Variants in SIRT2 observed in about 807,000 individuals in gnomAD.
SIRT2 encodes NAD-dependent protein deacetylase sirtuin-2.
A neutral mutation model predicts 57.4 loss-of-function variants in SIRT2; 40 were observed. The observed-to-expected ratio is 0.70, with a 90% CI of 0.54 to 0.91. The LOEUF (loss-of-function observed/expected upper bound fraction) is 0.91. SIRT2 is among the 40% of genes least tolerant of loss of function. The pLI, the probability that SIRT2 is intolerant of heterozygous loss-of-function variation, is 0.00. For synonymous variants in SIRT2, 161 were observed against 195.7 expected, an observed-to-expected ratio of 0.82 and a Z score of 1.48; for missense variants, 439 against 510.4, an observed-to-expected ratio of 0.86 and a Z score of 1.35.
Position 38,880,112 on chromosome 19 carries a change from A to T in SIRT2, c.877-410T>A. 1 of 195,516 alleles carries T rather than the reference A, an allele frequency of 5.1e-6. No homozygotes were observed. The highest frequency in any genetic ancestry group is 1.1e-5 in the Non-Finnish European group (1 of 94,040). 12.1% of individuals were successfully genotyped at this position (195,516 alleles called of 1,614,324 possible). On this transcript the variant is annotated intron_variant, in intron 13 of 15. Coordinates refer to ENST00000249396, the MANE Select transcript of SIRT2 (RefSeq NM_012237.4). The surrounding 1 kb of genome is among the most constrained non-coding windows in gnomAD (Gnocchi z 4.1). ...AGTGCTGGAATTACAGGCGTGAGCC[A>T]TTGCGCCCAGCCAGCTCAGTGACTT...
At chr19:38,892,295 C>A (rs542468935) in intron 4 of SIRT2, among the ~76,000 whole-genome samples, 1 of 151,562 alleles carries the variant, frequency 6.6e-6, no homozygotes, top group Non-Finnish European at 1.5e-5. Flanking sequence ...ACTCGGGAGG[C>A]TGAGGCAGGA....
chr19:38,898,737 G>T, intron 1 of SIRT2: 1 of 295,012 alleles, frequency 3.4e-6, no homozygotes, highest in Non-Finnish European at 6.3e-6. Flanking sequence ...CAACCACCTT[G>T]GCCTCCCAAA....
intron 8 of SIRT2, among the ~76,000 whole-genome samples, chr19:38,888,672 A>T (rs1406242409): frequency 6.6e-6 from 1 of 152,240 alleles, no homozygotes; most frequent in African/African-American, 2.4e-5. Flanking sequence ...CTTGTTGGAC[A>T]CGTGTCATAG....
At chr19:38,890,046 C>T in intron 5 of SIRT2, 57 bp downstream of exon 5, 1 of 1,612,998 alleles carries the variant, frequency 6.2e-7, no homozygotes, top group Non-Finnish European at 8.5e-7. Context: ...CTCCCCAGCC[C>T]TTGGGAGGGA....
chr19:38,897,478 A>G (rs933680324), intron 2 of SIRT2, among the ~76,000 whole-genome samples: 1 of 151,878 alleles, frequency 6.6e-6, no homozygotes, highest in Non-Finnish European at 1.5e-5. Flanking sequence ...TTGACCCAGA[A>G]AATTTTCTCT....
At chr19:38,881,387 C>T (rs1452363313) in intron 10 of SIRT2, 45 bp downstream of exon 10, 3 of 1,589,058 alleles carry the variant, frequency 1.9e-6, no homozygotes, top group African/African-American at 2.7e-5. Flanking sequence ...GAGGAGGGGA[C>T]CCCCACCCAA....
intron 8 of SIRT2, among the ~76,000 whole-genome samples, chr19:38,886,120 A>G (rs570999872): frequency 2.0e-5 from 3 of 152,316 alleles, no homozygotes; most frequent in African/African-American, 7.2e-5. Flanking sequence ...AGCGTTTCCC[A>G]GGGACTCCAG....
intron 2 of SIRT2, among the ~76,000 whole-genome samples, chr19:38,896,419 T>A (rs1973718069): frequency 6.6e-6 from 1 of 152,212 alleles, no homozygotes; most frequent in Non-Finnish European, 1.5e-5. Context: ...CATCTTGCTA[T>A]GTTGCCCAGG....
intron 8 of SIRT2, among the ~76,000 whole-genome samples, chr19:38,886,678 A>G (rs954634734): frequency 1.3e-5 from 2 of 149,076 alleles, no homozygotes; most frequent in East Asian, 3.9e-4. Flanking sequence ...TTGGAGTGCA[A>G]TGGCGGAATC....
chr19:38,883,770 T>C lies in SIRT2; in HGVS notation c.502-14A>G. 6.2e-7 allele frequency: 1 copy of C among 1,613,130 alleles called. No individual in the cohort carries two copies. Among genetic ancestry groups the C allele is most frequent in the Non-Finnish European group, 8.5e-7 (1 of 1,179,554 alleles). ...GGTATCTATGTTCTAGAGGGAGAGA[T>C]GGAGGGAAGAGGGGTGAGGAGTGAG... On this transcript the variant is annotated splice_polypyrimidine_tract_variant and intron_variant, in intron 8 of 15. Transcript: ENST00000249396.
intron 2 of SIRT2, chr19:38,894,525 A>T (rs1403182034): frequency 1.1e-5 from 3 of 275,614 alleles, no homozygotes; most frequent in African/African-American, 4.4e-5. Context: ...TGCTGTTATT[A>T]TCACAGCCTG....
At position 38,880,497 on chromosome 19, in the gene SIRT2, A is replaced by C. The variant is rs981375678; in HGVS notation, c.876+188T>G. 22 of 526,506 alleles carry C rather than the reference A, an allele frequency of 4.2e-5. No individual in the cohort carries two copies. Among genetic ancestry groups the C allele is most frequent in the Admixed American group, 2.0e-4 (6 of 30,718 alleles). The allele number at this position is 526,506 out of a possible 1,614,324, so 32.6% of individuals were successfully genotyped here. A position where few individuals can be genotyped will look rare whatever the true frequency, so the allele number is the denominator to read the frequency against. On this transcript the variant is annotated intron_variant, in intron 13 of 15. Coordinates refer to ENST00000249396, the MANE Select transcript of SIRT2 (RefSeq NM_012237.4). This position sits in a 1 kb window ranked among gnomAD's most constrained non-coding sequence, Gnocchi z 4.1. ...TTCAGCTGGTTTGAGTTGGAATTCTATCACTTGCTCAAAAGGGCAGTGAAT... is the reference window on the plus strand; with the variant it reads ...TTCAGCTGGTTTGAGTTGGAATTCTCTCACTTGCTCAAAAGGGCAGTGAAT...
chr19:38,883,904 T>C (rs1973240244), intron 8 of SIRT2, 148 bp from the exon 9 acceptor site: 3 of 778,862 alleles, frequency 3.9e-6, no homozygotes, highest in Middle Eastern at 2.8e-4. Context: ...TGGCAGGGTT[T>C]ATCTGAAGAC....
intron 8 of SIRT2, among the ~76,000 whole-genome samples, chr19:38,887,654 C>T (rs1375950215): frequency 1.3e-5 from 2 of 152,200 alleles, no homozygotes; most frequent in Non-Finnish European, 2.9e-5. Context: ...AGTTGTTCCT[C>T]CCCCTGGCGG....
chr19:38,881,652 G>A (rs989589319), intron 9 of SIRT2, among the ~76,000 whole-genome samples, 161 bp from the exon 10 acceptor site: 1 of 151,840 alleles, frequency 6.6e-6, no homozygotes, highest in Non-Finnish European at 1.5e-5. Flanking sequence ...GCTCAGAAAA[G>A]ACCTCTCTTC....
chr19:38,889,470 A>G (rs985360068), intron 7 of SIRT2: 2 of 659,422 alleles, frequency 3.0e-6, no homozygotes, highest in Admixed American at 2.4e-5. Flanking sequence ...AGCCCTCTTC[A>G]GACAGTACCA....
At chr19:38,884,944 T>C (rs1412058779) in intron 8 of SIRT2, among the ~76,000 whole-genome samples, 1 of 151,242 alleles carries the variant, frequency 6.6e-6, no homozygotes, top group Non-Finnish European at 1.5e-5. Flanking sequence ...CAGCGAGCCT[T>C]CTGCCTCAGC....
chr19:38,879,841 T>C (rs1053275538), intron 13 of SIRT2, 139 bp from the exon 14 acceptor site: 2 of 656,864 alleles, frequency 3.0e-6, no homozygotes, highest in African/African-American at 1.8e-5. Context: ...TTGGTTTTTT[T>C]TGAGACAAAG....
chr19:38,894,813 T>C (rs772993791), intron 2 of SIRT2: 1 of 456,174 alleles, frequency 2.2e-6, no homozygotes, highest in Non-Finnish European at 4.4e-6. Context: ...CTGCTTTCTC[T>C]TTCCACTTTC....
Sources: gnomAD v4.1 joint callset for allele counts (sites outside exome capture counted in the v4.1 genomes callset) on GRCh38, gnomAD v4.1.1 for gene constraint, Gnocchi (gnomAD v3.1) non-coding constraint, MANE v1.5 for transcripts, NCBI Gene and HGNC (gene_info 2026-07-23, HGNC 2026-07-21) for gene names.